KALRN: variants seen among roughly 807,000 people sequenced by gnomAD.
KALRN encodes the protein kalirin RhoGEF kinase, also known as kalirin.
In KALRN, 70 loss-of-function variants were observed where a neutral mutation model predicts 353.7. That is an observed-to-expected ratio of 0.20 (90% CI 0.16 to 0.24). The LOEUF is 0.24. KALRN is among the 10% of genes least tolerant of loss of function. The pLI is 1.00. For missense variants in KALRN, 2,791 were observed against 3,756.7 expected (o/e 0.74, Z 6.72); for synonymous variants, 1,391 against 1,434.8 (o/e 0.97, Z 0.69).
At chr3:124,519,313 A>C in intron 33 of KALRN, 1 of 983,722 alleles carries the variant, frequency 1.0e-6, no homozygotes, top group Non-Finnish European at 1.2e-6. Flanking sequence ...TTTGTTTGCA[A>C]TTTTTCATAA....
intron 1 of KALRN, among the ~76,000 whole-genome samples, chr3:124,190,691 T>A (rs2074802859): frequency 6.6e-6 from 1 of 152,232 alleles, no homozygotes; most frequent in African/African-American, 2.4e-5. Flanking sequence ...TTTAGTTCTG[T>A]CTGTAGTTAC....
chr3:124,221,801 T>C (rs373298465), intron 1 of KALRN, among the ~76,000 whole-genome samples: 2 of 152,168 alleles, frequency 1.3e-5, no homozygotes, highest in South Asian at 4.1e-4. Flanking sequence ...TCACTGGTTT[T>C]TTATCCAGTC....
intron 1 of KALRN, among the ~76,000 whole-genome samples, chr3:124,087,626 T>C (rs1003299825): frequency 2.0e-5 from 3 of 152,118 alleles, no homozygotes; most frequent in Non-Finnish European, 4.4e-5. Context: ...ATTCTCATAA[T>C]TGTGGGGCTT....
intron 1 of KALRN, among the ~76,000 whole-genome samples, chr3:124,127,069 G>T (rs1235020915): frequency 1.3e-5 from 2 of 152,136 alleles, no homozygotes; most frequent in Non-Finnish European, 1.5e-5. Flanking sequence ...TGCCAGGATG[G>T]GTACTTTTGT....
intron 19 of KALRN, among the ~76,000 whole-genome samples, chr3:124,445,829 A>C (rs1480178582): frequency 6.6e-6 from 1 of 152,188 alleles, no homozygotes; most frequent in East Asian, 1.9e-4. Flanking sequence ...CAATTGAATT[A>C]GTTGCTTCTT....
At chr3:124,471,256 TTTATTATTATTATTATTATTATTATTA>T (rs139584790) in intron 25 of KALRN, among the ~76,000 whole-genome samples, 1 of 138,824 alleles carries the variant, frequency 7.2e-6, no homozygotes, top group South Asian at 2.4e-4. Flanking sequence ...CCCACAAAGT[TTTATTATTATTATTATTATTATTATTA>T]TTATTATTAT....
intron 57 of KALRN, among the ~76,000 whole-genome samples, chr3:124,709,705 T>C (rs537002924): frequency 3.3e-5 from 5 of 152,230 alleles, no homozygotes; most frequent in African/African-American, 4.8e-5. Flanking sequence ...AAGTTCCAAT[T>C]TGAAAAACAG....
In KALRN at chr3:124,523,427, A is replaced by AT. The variant is rs546539666; in HGVS notation, c.4935+27018dup. ...ACATTTTTATTCTTCTCCACTGGGT[A>AT]TTTTACGGAGAAAATGCTAACTCAT... On this transcript the variant is annotated intron_variant, in intron 33 of 59. Coordinates refer to ENST00000682506, the MANE Select transcript of KALRN (RefSeq NM_001388419.1). 9.2e-5 allele frequency among the ~76,000 whole-genome samples: 14 copies of AT among 152,296 alleles called. No individual in the cohort carries two copies. In the East Asian group the frequency reaches 1.4e-3, roughly 15 times the overall value.
At chr3:124,343,172 C>T (rs534235278) in intron 9 of KALRN, among the ~76,000 whole-genome samples, 1 of 152,336 alleles carries the variant, frequency 6.6e-6, no homozygotes, top group East Asian at 1.9e-4. Flanking sequence ...TATATATACA[C>T]ATATATTTGA....
chr3:124,192,699 T>C (rs2075056642), intron 1 of KALRN, among the ~76,000 whole-genome samples: 1 of 152,146 alleles, frequency 6.6e-6, no homozygotes, highest in African/African-American at 2.4e-5. Context: ...ATATTGTACC[T>C]ACAAAGAGAT....
intron 38 of KALRN, among the ~76,000 whole-genome samples, chr3:124,651,683 A>C (rs1343945960): frequency 6.8e-6 from 1 of 147,510 alleles, no homozygotes; most frequent in African/African-American, 2.5e-5. Flanking sequence ...GGTCACCCAG[A>C]CTAAAGTACA....
intron 6 of KALRN, among the ~76,000 whole-genome samples, chr3:124,301,628 G>A (rs1375056447): frequency 6.6e-6 from 1 of 152,180 alleles, no homozygotes; most frequent in Non-Finnish European, 1.5e-5. Context: ...TGCAAAGAGG[G>A]AGGTCAGCAT....
At chr3:124,664,381 G>A (rs1341412922) in intron 45 of KALRN, among the ~76,000 whole-genome samples, 1 of 148,548 alleles carries the variant, frequency 6.7e-6, no homozygotes, top group Non-Finnish European at 1.5e-5. Context: ...GCGCGCGCGC[G>A]CATATAAGGG....
At chr3:124,600,838 C>T (rs1348570949) in intron 34 of KALRN, among the ~76,000 whole-genome samples, 2 of 152,128 alleles carry the variant, frequency 1.3e-5, no homozygotes, top group East Asian at 1.9e-4. Context: ...TGCCCCAGCT[C>T]GAAGTAAAGA....
intron 51 of KALRN, among the ~76,000 whole-genome samples, chr3:124,689,761 CAT>C (rs1427664973): frequency 6.6e-6 from 1 of 151,534 alleles, no homozygotes; most frequent in Non-Finnish European, 1.5e-5. Flanking sequence ...GTGCAAGACT[CAT>C]AGCAAAAAAA....
At chr3:124,637,372 C>A in intron 37 of KALRN, 69 bp downstream of exon 37, 1 of 1,126,392 alleles carries the variant, frequency 8.9e-7, no homozygotes, top group Non-Finnish European at 1.4e-6. Context: ...TTGCATCTGT[C>A]TGCCGTTTTC....
intron 6 of KALRN, among the ~76,000 whole-genome samples, chr3:124,306,543 G>A (rs1436592998): frequency 6.6e-6 from 1 of 150,532 alleles, no homozygotes; most frequent in African/African-American, 2.4e-5. Flanking sequence ...GTACCAAAAG[G>A]AGAGGAGAGA....
chr3:124,238,087 T>C (rs961821283), intron 3 of KALRN, among the ~76,000 whole-genome samples: 2 of 152,152 alleles, frequency 1.3e-5, no homozygotes, highest in Non-Finnish European at 2.9e-5. Flanking sequence ...TGCATTCAAC[T>C]CTGTAACATT....
intron 34 of KALRN, among the ~76,000 whole-genome samples, chr3:124,581,348 G>A (rs6773065): frequency 0.36 from 53,159 of 149,338 alleles, 10,368 homozygotes; most frequent in East Asian, 0.76. Flanking sequence ...AGCCGAGATC[G>A]TGCCACTGCG....
Sources: allele counts gnomAD v4.1 joint callset (sites outside exome capture counted in the v4.1 genomes callset), GRCh38; gene constraint gnomAD v4.1.1; transcripts MANE v1.5; gene names NCBI Gene and HGNC (gene_info 2026-07-23, HGNC 2026-07-21).